Variants in ACOT7 observed in about 807,000 individuals in gnomAD.
ACOT7 encodes the protein acyl-CoA thioesterase 7.
Under a neutral mutation model 40.2 loss-of-function variants are expected in ACOT7, and 12 were observed. The observed-to-expected ratio is 0.30, with a 90% CI of 0.19 to 0.48. The LOEUF is 0.48. Among genes scored for constraint, ACOT7 ranks in the 20% least tolerant of loss-of-function variants. The pLI is 0.99. For missense variants in ACOT7, 395 were observed against 530.8 expected (o/e 0.74, Z 2.51); for synonymous variants, 228 against 219.5 (o/e 1.04, Z -0.34).
At chr1:6,286,581 G>T (rs74049524) in intron 7 of ACOT7, among the ~76,000 whole-genome samples, 11,354 of 152,242 alleles carry the variant, frequency 0.075, 646 homozygotes, top group African/African-American at 0.15. Context: ...GCAGGGACAA[G>T]CCAGGAGACT....
rs1315343839 is a variant in ACOT7, at chr1:6,359,906, T to C, written c.144-10040A>G. Among the ~76,000 whole-genome samples, 1 of 152,174 alleles carries C rather than the reference T, an allele frequency of 6.6e-6. No individual in the cohort carries two copies. Among genetic ancestry groups the C allele is most frequent in the Non-Finnish European group, 1.5e-5 (1 of 68,038 alleles). On this transcript the variant is annotated intron_variant, in intron 1 of 8. Transcript: ENST00000361521. The surrounding 1 kb of genome is among the most constrained non-coding windows in gnomAD (Gnocchi z 4.1). ...AAGAGAAAGTTAGGGCAGAGAGGGCTGATTAGGCCACTCCCACTGGAACAG... is the reference window on the plus strand; with the variant it reads ...AAGAGAAAGTTAGGGCAGAGAGGGCCGATTAGGCCACTCCCACTGGAACAG...
intron 6 of ACOT7, among the ~76,000 whole-genome samples, chr1:6,315,037 C>A (rs1290766749): frequency 6.6e-6 from 1 of 152,178 alleles, no homozygotes; most frequent in African/African-American, 2.4e-5. Context: ...GTCCATGCAA[C>A]CAGGAAAGCA....
rs570228986 is a variant in ACOT7 at position 6,330,786 on chromosome 1, G to A, written c.510+2691C>T. On this transcript the variant is annotated intron_variant, in intron 4 of 8. Coordinates refer to ENST00000361521, the MANE Select transcript of ACOT7 (RefSeq NM_007274.4). This position sits in a 1 kb window ranked among gnomAD's most constrained non-coding sequence, Gnocchi z 4.6. The stretch of plus-strand genomic sequence containing the variant: ...AGCTCTTGGCGCATCGATCCTAAGC[G>A]ACAAGGCAGCAAAAGTGACTGTGTT... Among the ~76,000 whole-genome samples, 3 of 152,292 alleles carry A rather than the reference G, an allele frequency of 2.0e-5. No homozygotes were observed. Among genetic ancestry groups the A allele is most frequent in the Admixed American group, 6.5e-5 (1 of 15,286 alleles).
chr1:6,303,065 C>A (rs1402573329), intron 6 of ACOT7, among the ~76,000 whole-genome samples: 1 of 152,228 alleles, frequency 6.6e-6, no homozygotes, highest in Non-Finnish European at 1.5e-5. Context: ...GCCACTGTCT[C>A]CCTTTCACTT....
At chr1:6,268,814 A>G (rs750628235) in intron 8 of ACOT7, among the ~76,000 whole-genome samples, 7 of 152,212 alleles carry the variant, frequency 4.6e-5, no homozygotes, top group Non-Finnish European at 1.0e-4. Context: ...TCTGGCCTCC[A>G]TGACCACCTG....
At chr1:6,354,580 A>G (rs906909172) in intron 1 of ACOT7, among the ~76,000 whole-genome samples, 1 of 151,980 alleles carries the variant, frequency 6.6e-6, no homozygotes, top group Non-Finnish European at 1.5e-5. Context: ...ACAATCAGAC[A>G]CTGTTTGGGG....
intron 8 of ACOT7, among the ~76,000 whole-genome samples, chr1:6,280,333 T>G (rs1001782884): frequency 1.1e-3 from 174 of 152,330 alleles, no homozygotes; most frequent in African/African-American, 4.0e-3. Context: ...TCAGCCAGGA[T>G]GGGGAACCTC....
At chr1:6,370,501 A>G (rs1181815650) in intron 1 of ACOT7, among the ~76,000 whole-genome samples, 1 of 133,674 alleles carries the variant, frequency 7.5e-6, no homozygotes, top group Non-Finnish European at 1.6e-5. Flanking sequence ...TATTATTATT[A>G]TTATTTGAAA....
chr1:6,314,361 G>A (rs1640424131), intron 6 of ACOT7, among the ~76,000 whole-genome samples: 2 of 152,076 alleles, frequency 1.3e-5, no homozygotes, highest in South Asian at 4.2e-4. Flanking sequence ...CCTCTGGATT[G>A]TTTCCACATA....
chr1:6,292,281 G>A (rs1166660936), intron 7 of ACOT7, among the ~76,000 whole-genome samples: 1 of 152,276 alleles, frequency 6.6e-6, no homozygotes, highest in Non-Finnish European at 1.5e-5. Context: ...CAGCCGAGAC[G>A]AGGTGGGGGC....
rs746395007 is a variant in ACOT7, at chr1:6,289,193, A to G, written c.829+5671T>C. Among the ~76,000 whole-genome samples, 20 of 152,096 alleles carry G rather than the reference A, an allele frequency of 1.3e-4. 1 individual carries two copies. Among genetic ancestry groups the G allele is most frequent in the Admixed American group, 5.2e-4 (8 of 15,286 alleles). On this transcript the variant is annotated intron_variant, in intron 7 of 8. Coordinates refer to ENST00000361521, the MANE Select transcript of ACOT7 (RefSeq NM_007274.4). The surrounding 1 kb of genome is among the most constrained non-coding windows in gnomAD (Gnocchi z 4.6). ...CGGCTCACTGCAACATCTGCCTCTC[A>G]GGTTCAAGCGATTCTCCTACCTCAG... is the stretch of plus-strand genomic sequence containing the variant.
rs763552799 is a variant in ACOT7, at chr1:6,327,326, C to G, written c.598G>C (p.Asp200His). Residue 200 changes from aspartate to histidine, a missense_variant, in exon 5 of 9, where the codon GAC becomes CAC. Asp to His is a moderately conservative substitution (Grantham distance 81). Coordinates refer to ENST00000361521, the MANE Select transcript of ACOT7 (RefSeq NM_007274.4). Reference sequence around the variant, plus strand: ...GGGTTGAGGACTGGCTGGACGATGTCCCCGTTCCTCCACTTGGTCTCCATG... The same window carrying G: ...GGGTTGAGGACTGGCTGGACGATGTGCCCGTTCCTCCACTTGGTCTCCATG... ...ERMETKWRNG[D>H]IVQPVLNPEP... is the part of the protein sequence containing the mutation. The G allele has an allele frequency of 5.0e-6, 8 of 1,614,092 alleles. No individual in the cohort carries two copies. In the African/African-American group the frequency reaches 1.1e-4, roughly 22 times the overall value.
At chr1:6,323,956 C>T (rs1479559902) in intron 5 of ACOT7, among the ~76,000 whole-genome samples, 2 of 151,614 alleles carry the variant, frequency 1.3e-5, no homozygotes, top group Non-Finnish European at 2.9e-5. Context: ...GCCAAGATGG[C>T]CTCTCCAGGG....
rs914497277 is a variant in ACOT7, at chr1:6,333,669, A to G, written c.419-101T>C. ...TGCTGCTCCAGCGCCCGGTCCCAGT[A>G]CCTGAAACACACCACAGTGTGCACC... On this transcript the variant is annotated intron_variant, in intron 3 of 8. Transcript: ENST00000361521. 4.8e-5 allele frequency: 54 copies of G among 1,116,536 alleles called. 2 individuals carry two copies. In the South Asian group the frequency reaches 6.9e-4, roughly 14 times the overall value. 69.2% of individuals were successfully genotyped at this position (1,116,536 alleles called of 1,614,324 possible).
In ACOT7 at chr1:6,339,488, G is replaced by A. The variant is rs1424150496; in HGVS notation, c.363C>T (p.Thr121=). The part of the protein sequence containing the change: ...VAHVSAEITY[T]SKHSVEVQVN... ...CCTGCACCTCCACAGAGTGCTTGGAGGTGTAGGTGATCTCCGCGCTGACAT... is the reference window on the plus strand; with the variant it reads ...CCTGCACCTCCACAGAGTGCTTGGAAGTGTAGGTGATCTCCGCGCTGACAT... The change falls in exon 3 of 9, where the codon ACC becomes ACT. Residue 121 remains threonine, a synonymous_variant. Coordinates refer to ENST00000361521, the MANE Select transcript of ACOT7 (RefSeq NM_007274.4). 1 of 1,613,768 alleles carries A rather than the reference G, an allele frequency of 6.2e-7. No individual in the cohort carries two copies. The highest frequency in any genetic ancestry group is 8.5e-7 in the Non-Finnish European group (1 of 1,180,034).
chr1:6,281,252 G>C lies in ACOT7; in HGVS notation c.864C>G (p.Phe288Leu). 1 of 1,613,750 alleles carries C rather than the reference G, an allele frequency of 6.2e-7. No individual in the cohort carries two copies. The highest frequency in any genetic ancestry group is 8.5e-7 in the Non-Finnish European group (1 of 1,180,014). Reference sequence around the variant, plus strand: ...CGATCTCCATGGACTTATTGCTCGTGAAGGTCATGCGTCCCGAGATGGTGA... The same window carrying C: ...CGATCTCCATGGACTTATTGCTCGTCAAGGTCATGCGTCCCGAGATGGTGA... ...CVITISGRMT[F>L]TSNKSMEIEV... The change falls in exon 8 of 9, where the codon TTC (phenylalanine) becomes TTG (leucine). Residue 288 changes from phenylalanine to leucine, a missense_variant. Around this residue, in one of 2 missense-constraint regions of ACOT7, gnomAD observed 309 missense variants for 470.3 expected, o/e 0.66. Transcript: ENST00000361521.
chr1:6,346,926 A>C (rs1308402904), intron 2 of ACOT7, among the ~76,000 whole-genome samples: 1 of 152,094 alleles, frequency 6.6e-6, no homozygotes, highest in Non-Finnish European at 1.5e-5. Flanking sequence ...TGCTGCAGAG[A>C]CCATTTACTG....
intron 7 of ACOT7, among the ~76,000 whole-genome samples, chr1:6,287,196 G>A (rs1345922739): frequency 1.3e-5 from 2 of 152,366 alleles, no homozygotes; most frequent in South Asian, 2.1e-4. Flanking sequence ...GGCTGTAGCC[G>A]CATGTAATCA....
chr1:6,348,673 G>A (rs1029752301), intron 2 of ACOT7, among the ~76,000 whole-genome samples: 1 of 152,178 alleles, frequency 6.6e-6, no homozygotes, highest in Admixed American at 6.6e-5. Flanking sequence ...GAAATCTGCC[G>A]GCGCCCTGAT....
Sources: allele counts gnomAD v4.1 joint callset (sites outside exome capture counted in the v4.1 genomes callset), GRCh38; gene constraint gnomAD v4.1.1; regional missense constraint gnomAD v4.1.1; non-coding constraint Gnocchi (gnomAD v3.1); transcripts MANE v1.5; gene names NCBI Gene and HGNC (gene_info 2026-07-23, HGNC 2026-07-21).